Variants in NMRK2 observed in about 807,000 individuals in gnomAD.
NMRK2 encodes the protein nicotinamide riboside kinase 2, also known as NRK 2.
In NMRK2, 34 loss-of-function variants were observed where a neutral mutation model predicts 24.7. That is an observed-to-expected ratio of 1.37 (90% CI 1.05 to 1.83). The LOEUF (loss-of-function observed/expected upper bound fraction) is 1.83. Ranked by LOEUF, NMRK2 falls within the 40% of genes most tolerant of loss-of-function variation. The pLI is 0.00. For missense variants in NMRK2, 341 were observed against 315.0 expected (o/e 1.08, Z -0.62); for synonymous variants, 145 against 125.6 (o/e 1.15, Z -1.03).
intron 6 of NMRK2, among the ~76,000 whole-genome samples, chr19:3,940,334 T>TC (rs2039308977): frequency 2.1e-5 from 1 of 48,548 alleles, no homozygotes; most frequent in East Asian, 5.8e-4. Context: ...AGACTCTGTC[T>TC]CAAAAAAAAA....
Position 3,942,323 on chromosome 19 carries a change from C to G in NMRK2, c.*50C>G. Reference sequence around the variant, plus strand: ...ACGTAGGAGAGTGGAGGCCCCACTCCCAGTTGGGCGTCCCGGAGCTCAGGG... The same window carrying G: ...ACGTAGGAGAGTGGAGGCCCCACTCGCAGTTGGGCGTCCCGGAGCTCAGGG... On this transcript the variant is annotated 3_prime_UTR_variant, in exon 8 of 8. Transcript: ENST00000168977. 1.3e-6 allele frequency: 2 copies of G among 1,496,740 alleles called. No homozygotes were observed. Among genetic ancestry groups the G allele is most frequent in the Non-Finnish European group, 1.8e-6 (2 of 1,105,368 alleles). 92.7% of individuals were successfully genotyped at this position (1,496,740 alleles called of 1,614,324 possible).
intron 6 of NMRK2, 76 bp from the exon 7 acceptor site, chr19:3,940,995 C>T (rs1334801865): frequency 1.3e-5 from 12 of 945,154 alleles, no homozygotes; most frequent in Non-Finnish European, 1.8e-5. Flanking sequence ...TGACAGCTTT[C>T]AGGCCCCCCA....
chr19:3,940,418 G>T (rs539082563), intron 6 of NMRK2, among the ~76,000 whole-genome samples: 1 of 149,732 alleles, frequency 6.7e-6, no homozygotes, highest in Non-Finnish European at 1.5e-5. Context: ...GGCTTGGGCG[G>T]ATCACCTGAA....
rs752786408 is a variant in NMRK2 at position 3,933,683 on chromosome 19, C to T, written c.12C>T (p.Ile4=). Residue 4 remains isoleucine, a synonymous_variant, in exon 2 of 8, where the codon ATC becomes ATT. Coordinates refer to ENST00000168977, the MANE Select transcript of NMRK2 (RefSeq NM_170678.3). ...CCCTCCGCACCGGCATGAAGCTCATCGTGGGCATCGGAGGGTGAGCGCCGG... is the reference window on the plus strand; with the variant it reads ...CCCTCCGCACCGGCATGAAGCTCATTGTGGGCATCGGAGGGTGAGCGCCGG... MKL[I]VGIGGMTNGG... 351 of 1,488,096 alleles carry T rather than the reference C, an allele frequency of 2.4e-4. 1 individual carries two copies. The highest frequency in any genetic ancestry group is 2.9e-4 in the Non-Finnish European group (325 of 1,119,614). The allele number at this position is 1,488,096 out of a possible 1,614,324, so 92.2% of individuals were successfully genotyped here. A position where few individuals can be genotyped will look rare whatever the true frequency, so the allele number is the denominator to read the frequency against.
chr19:3,936,406 TC>T (rs2039213943), intron 2 of NMRK2, among the ~76,000 whole-genome samples, 168 bp from the exon 3 acceptor site: 1 of 138,774 alleles, frequency 7.2e-6, no homozygotes, highest in Non-Finnish European at 1.6e-5. Flanking sequence ...AGACTTGGTC[TC>T]AAAAAAAAAG....
chr19:3,933,671 C>A lies in NMRK2; in HGVS notation c.-1C>A. The A allele has an allele frequency of 6.6e-7, 1 of 1,504,442 alleles. No homozygotes were observed. The highest frequency in any genetic ancestry group is 8.9e-7 in the Non-Finnish European group (1 of 1,127,690). The allele number at this position is 1,504,442 out of a possible 1,614,324, so 93.2% of individuals were successfully genotyped here. A position where few individuals can be genotyped will look rare whatever the true frequency, so the allele number is the denominator to read the frequency against. On this transcript the variant is annotated 5_prime_UTR_variant, in exon 2 of 8. Coordinates refer to ENST00000168977, the MANE Select transcript of NMRK2 (RefSeq NM_170678.3). ...CGTCCCCGCCGCCCCTCCGCACCGG[C>A]ATGAAGCTCATCGTGGGCATCGGAG...
At position 3,933,601 on chromosome 19, in the gene NMRK2, G is replaced by A. The variant is rs1026145142; in HGVS notation, c.-71G>A. The A allele has an allele frequency of 1.2e-5, 18 of 1,500,432 alleles. No homozygotes were observed. Among genetic ancestry groups the A allele is most frequent in the Non-Finnish European group, 1.6e-5 (18 of 1,122,514 alleles). 92.9% of individuals were successfully genotyped at this position (1,500,432 alleles called of 1,614,324 possible). A position where few individuals can be genotyped will look rare whatever the true frequency, so the allele number is the denominator to read the frequency against. ...TCTCAATGAAGCCGGGACGCACTCCGGAGCGCACTGCGTGGTCGCACCCTA... is the reference window on the plus strand; with the variant it reads ...TCTCAATGAAGCCGGGACGCACTCCAGAGCGCACTGCGTGGTCGCACCCTA... On this transcript the variant is annotated 5_prime_UTR_variant, in exon 2 of 8. Transcript: ENST00000168977.
At chr19:3,940,713 C>A (rs535118140) in intron 6 of NMRK2, among the ~76,000 whole-genome samples, 1 of 134,598 alleles carries the variant, frequency 7.4e-6, no homozygotes, top group Admixed American at 8.0e-5. Context: ...CCAACCTGGG[C>A]AACAGAGCGA....
chr19:3,936,713 G>C (rs1338972056), intron 3 of NMRK2, 48 bp downstream of exon 3: 1 of 1,481,294 alleles, frequency 6.8e-7, no homozygotes, highest in African/African-American at 1.4e-5. Context: ...GATGCAGGGT[G>C]GGCAGCCAGG....
rs749528163 is a variant in NMRK2 at position 3,933,704 on chromosome 19, G to A, written c.26+7G>A. ...TCATCGTGGGCATCGGAGGGTGAGCGCCGGGGGACCTGGTGGGCGGCCCTG... is the reference window on the plus strand; with the variant it reads ...TCATCGTGGGCATCGGAGGGTGAGCACCGGGGGACCTGGTGGGCGGCCCTG... On this transcript the variant is annotated splice_region_variant and intron_variant, in intron 2 of 7. Transcript: ENST00000168977. 4 of 1,440,000 alleles carry A rather than the reference G, an allele frequency of 2.8e-6. No homozygotes were observed. The highest frequency in any genetic ancestry group is 2.9e-5 in the African/African-American group (2 of 67,916). 89.2% of individuals were successfully genotyped at this position (1,440,000 alleles called of 1,614,324 possible).
chr19:3,933,495 C>G lies in NMRK2; in HGVS notation c.-177C>G, dbSNP rs961192239. ...TCCATTCGGCGGCGGGAACAGGTGC[C>G]GGCGCCTCCGCCCCATCCCCAGGGG... On this transcript the variant is annotated 5_prime_UTR_variant, in exon 2 of 8. Transcript: ENST00000168977. 2.3e-5 allele frequency: 14 copies of G among 597,246 alleles called. No individual in the cohort carries two copies. In the Admixed American group the frequency reaches 2.6e-4, roughly 11 times the overall value. 37.0% of individuals were successfully genotyped at this position (597,246 alleles called of 1,614,324 possible).
chr19:3,935,173 C>T (rs1484876089), intron 2 of NMRK2, among the ~76,000 whole-genome samples: 6 of 151,930 alleles, frequency 3.9e-5, no homozygotes, highest in Non-Finnish European at 8.8e-5. Context: ...GTGGGAGCCA[C>T]CACACCTGAG....
Position 3,941,147 on chromosome 19 carries a change from C to T in NMRK2, c.472C>T (p.Gln158Ter), listed in dbSNP as rs776759065. 22 of 1,575,090 alleles carry T rather than the reference C, an allele frequency of 1.4e-5. No homozygotes were observed. Among genetic ancestry groups the T allele is most frequent in the Non-Finnish European group, 1.9e-5 (22 of 1,155,670 alleles). ...GTGGCCCATGTACCAGAAGTATAGG[C>T]AGGAGATGGAGGCCAACGGTGTGGA... ...HVWPMYQKYRQEMEANGVEVV... is the reference protein window; with the variant it reads ...HVWPMYQKYR The change falls in exon 7 of 8, where the codon CAG (glutamine) becomes TAG (stop). Residue 158 changes from glutamine to a stop codon, truncating the protein, a stop_gained. Coordinates refer to ENST00000168977, the MANE Select transcript of NMRK2 (RefSeq NM_170678.3). LOFTEE classifies it low-confidence loss of function (END_TRUNC).
intron 3 of NMRK2, 77 bp downstream of exon 3, chr19:3,936,742 C>T (rs879460383): frequency 4.8e-6 from 6 of 1,248,552 alleles, no homozygotes; most frequent in Admixed American, 4.5e-5. Flanking sequence ...GCCCCGCCCT[C>T]CACTGCCCAG....
chr19:3,936,741 T>A, intron 3 of NMRK2, 76 bp downstream of exon 3: 1 of 1,254,262 alleles, frequency 8.0e-7, no homozygotes, highest in Non-Finnish European at 1.1e-6. Context: ...AGCCCCGCCC[T>A]CCACTGCCCA....
chr19:3,942,063 C>G lies in NMRK2; in HGVS notation c.503-20C>G. 2.5e-6 allele frequency: 4 copies of G among 1,608,202 alleles called. No individual in the cohort carries two copies. Among genetic ancestry groups the G allele is most frequent in the Non-Finnish European group, 3.4e-6 (4 of 1,175,850 alleles). ...GCCCCCTTCCTCCCGGCAGCCCTGA[C>G]GCAGCCTTTCTGATTTCAGTCTACC... On this transcript the variant is annotated intron_variant, in intron 7 of 7. Coordinates refer to ENST00000168977, the MANE Select transcript of NMRK2 (RefSeq NM_170678.3).
chr19:3,939,868 G>C, intron 5 of NMRK2, 32 bp from the exon 6 acceptor site: 4 of 1,596,030 alleles, frequency 2.5e-6, no homozygotes, highest in Non-Finnish European at 3.4e-6. Flanking sequence ...AAAGCTCACA[G>C]GTGCTGACCG....
chr19:3,936,269 G>A (rs1368044697), intron 2 of NMRK2, among the ~76,000 whole-genome samples: 2 of 151,954 alleles, frequency 1.3e-5, no homozygotes, highest in African/African-American at 2.4e-5. Flanking sequence ...TTAGCCAGGC[G>A]TGGTGGCGTG....
chr19:3,936,839 C>G (rs2039222975), intron 3 of NMRK2, among the ~76,000 whole-genome samples, 174 bp downstream of exon 3: 2 of 152,162 alleles, frequency 1.3e-5, no homozygotes, highest in Admixed American at 6.5e-5. Flanking sequence ...AAGTGAGGGA[C>G]GGGTGTCGTG....
Sources: gnomAD v4.1 joint callset for allele counts (sites outside exome capture counted in the v4.1 genomes callset) on GRCh38, gnomAD v4.1.1 for gene constraint, MANE v1.5 for transcripts, NCBI Gene and HGNC (gene_info 2026-07-23, HGNC 2026-07-21) for gene names.